Variants in CPVL observed in about 807,000 individuals in gnomAD.
CPVL encodes probable serine carboxypeptidase CPVL.
CPVL carries 51 observed loss-of-function variants against 63.7 expected under a neutral mutation model. The observed-to-expected ratio is 0.80, with a 90% CI of 0.64 to 1.01. CPVL has a LOEUF of 1.01. Ranked by LOEUF, CPVL falls within the 50% of genes least tolerant of loss-of-function variation. The pLI, the probability that CPVL is intolerant of heterozygous loss-of-function variation, is 0.00. For synonymous variants in CPVL, 195 were observed against 206.0 expected, an observed-to-expected ratio of 0.95 and a Z score of 0.46; for missense variants, 530 against 573.1, an observed-to-expected ratio of 0.92 and a Z score of 0.77.
At chr7:29,131,901 A>C (rs1790742423) in intron 1 of CPVL, among the ~76,000 whole-genome samples, 1 of 152,254 alleles carries the variant, frequency 6.6e-6, no homozygotes, top group Non-Finnish European at 1.5e-5. Flanking sequence ...TACTCCAGGC[A>C]GCAGCTGACC....
intron 1 of CPVL, chr7:29,195,051 C>G (rs1290907993): frequency 7.2e-6 from 11 of 1,532,002 alleles, no homozygotes; most frequent in Non-Finnish European, 7.9e-6. Flanking sequence ...GCCCTCGCCC[C>G]GCAGCCTGGG....
intron 2 of CPVL, among the ~76,000 whole-genome samples, chr7:29,185,832 C>G (rs1478607450): frequency 6.6e-6 from 1 of 152,178 alleles, no homozygotes; most frequent in Non-Finnish European, 1.5e-5. Context: ...GGATGTGAAT[C>G]TGCATTTTAG....
intron 2 of CPVL, among the ~76,000 whole-genome samples, chr7:29,114,004 C>T (rs989957937): frequency 6.6e-6 from 1 of 152,190 alleles, no homozygotes; most frequent in Non-Finnish European, 1.5e-5. Context: ...AGCTTGACTC[C>T]TCACATGCCA....
intron 1 of CPVL, chr7:29,191,910 T>G (rs75345534): frequency 1.3e-5 from 2 of 152,246 alleles, no homozygotes; most frequent in East Asian, 3.8e-4. Context: ...CCTGATAACT[T>G]ACTGATACTA....
chr7:29,091,115 A>G (rs1451421994), intron 6 of CPVL, among the ~76,000 whole-genome samples: 12 of 152,252 alleles, frequency 7.9e-5, no homozygotes, highest in African/African-American at 2.9e-4. Flanking sequence ...AAGAGCCCGA[A>G]GCAAAAAGAA....
At chr7:28,995,997 T>C in intron 12 of CPVL, 115 bp from the exon 13 acceptor site, 1 of 612,268 alleles carries the variant, frequency 1.6e-6, no homozygotes, top group South Asian at 2.4e-5. Context: ...ACAGAACATA[T>C]TCTCCCAATG....
chr7:29,185,765 T>C (rs1554355675), intron 2 of CPVL, among the ~76,000 whole-genome samples: 1 of 152,180 alleles, frequency 6.6e-6, no homozygotes, highest in Non-Finnish European at 1.5e-5. Context: ...GGACCTTTAT[T>C]ATTCAAAATT....
chr7:29,157,065 G>T (rs760863866), intron 5 of CPVL, among the ~76,000 whole-genome samples: 21 of 152,122 alleles, frequency 1.4e-4, no homozygotes, highest in African/African-American at 4.8e-4. Context: ...CAGCCTCCTA[G>T]CTGCACCGAC....
intron 1 of CPVL, among the ~76,000 whole-genome samples, chr7:29,138,575 G>A (rs1255180427): frequency 6.6e-6 from 1 of 152,110 alleles, no homozygotes; most frequent in Admixed American, 6.5e-5. Flanking sequence ...GTGGACAGTG[G>A]TGCCATTAAC....
At chr7:29,011,092 G>C (rs1474656259) in intron 12 of CPVL, 3 of 152,212 alleles carry the variant, frequency 2.0e-5, no homozygotes, top group African/African-American at 7.2e-5. Flanking sequence ...AAGCCTACTT[G>C]ATAGTTTAGC....
intron 9 of CPVL, among the ~76,000 whole-genome samples, chr7:29,068,436 A>C (rs1227602560): frequency 6.6e-6 from 1 of 150,968 alleles, no homozygotes; most frequent in African/African-American, 2.4e-5. Flanking sequence ...GGTGGTAGTA[A>C]GTATTCTCTA....
intron 5 of CPVL, among the ~76,000 whole-genome samples, chr7:29,178,172 A>T (rs1046739666): frequency 2.0e-5 from 3 of 152,172 alleles, no homozygotes; most frequent in African/African-American, 7.2e-5. Context: ...CCACTGGAAT[A>T]GTCACATAGC....
At chr7:29,108,233 T>A (rs1247932984) in intron 3 of CPVL, among the ~76,000 whole-genome samples, 1 of 152,208 alleles carries the variant, frequency 6.6e-6, no homozygotes. Flanking sequence ...TAGGCCTGAC[T>A]CTAAATGCCC....
intron 3 of CPVL, among the ~76,000 whole-genome samples, chr7:29,105,244 C>G (rs1403106007): frequency 6.6e-5 from 10 of 152,174 alleles, no homozygotes; most frequent in Admixed American, 5.9e-4. Context: ...ATGGCTAATA[C>G]CCAGCACCTT....
chr7:29,135,221 G>C lies in CPVL; in HGVS notation c.-11+11208C>G, dbSNP rs76270895. Among the ~76,000 whole-genome samples the C allele has an allele frequency of 1.8e-3, 267 of 151,734 alleles. 1 individual carries two copies. The highest frequency in any genetic ancestry group is 5.9e-3 in the African/African-American group (245 of 41,344). ...AGGAACCATCAAGTTCCCAGATCAA[G>C]AAATGAAAAGATGAAGAACACATTT... On this transcript the variant is annotated intron_variant, in intron 1 of 12. Coordinates refer to ENST00000265394, the MANE Select transcript of CPVL (RefSeq NM_031311.5).
chr7:29,065,996 T>C, intron 10 of CPVL, 27 bp downstream of exon 10: 4 of 1,375,796 alleles, frequency 2.9e-6, no homozygotes, highest in Non-Finnish European at 4.1e-6. Context: ...TAAGCAAACA[T>C]TATTATGGTT....
At chr7:29,173,361 A>G (rs1381116473) in intron 5 of CPVL, among the ~76,000 whole-genome samples, 1 of 152,056 alleles carries the variant, frequency 6.6e-6, no homozygotes, top group Non-Finnish European at 1.5e-5. Context: ...CCTCCAGCCC[A>G]CAGTGATTAT....
chr7:29,017,837 A>G (rs1230824031), intron 12 of CPVL, among the ~76,000 whole-genome samples: 1 of 152,236 alleles, frequency 6.6e-6, no homozygotes, highest in Non-Finnish European at 1.5e-5. Context: ...AGTAGTGGAT[A>G]TGCTTGTGAA....
chr7:29,102,922 T>C (rs549408877), intron 3 of CPVL, among the ~76,000 whole-genome samples: 1 of 152,172 alleles, frequency 6.6e-6, no homozygotes, highest in Non-Finnish European at 1.5e-5. Flanking sequence ...ATCTACTCCA[T>C]GTCTTAATGG....
Sources: gnomAD v4.1 joint callset for allele counts (sites outside exome capture counted in the v4.1 genomes callset) on GRCh38, gnomAD v4.1.1 for gene constraint, MANE v1.5 for transcripts, NCBI Gene and HGNC (gene_info 2026-07-23, HGNC 2026-07-21) for gene names.